Variants in RNF217 observed in about 807,000 individuals in gnomAD.
RNF217 encodes E3 ubiquitin-protein ligase RNF217.
RNF217 carries 31 observed loss-of-function variants against 57.8 expected under a neutral mutation model. The observed-to-expected ratio is 0.54, with a 90% CI of 0.40 to 0.72. RNF217 has a LOEUF of 0.72. Ranked by LOEUF, RNF217 falls within the 30% of genes least tolerant of loss-of-function variation. The pLI is 0.00. For synonymous variants in RNF217, 313 were observed against 294.0 expected (o/e 1.06, Z -0.66); for missense variants, 696 against 708.3 (o/e 0.98, Z 0.20).
At chr6:125,076,925 T>C in intron 4 of RNF217, 67 bp downstream of exon 4, 1 of 1,354,500 alleles carries the variant, frequency 7.4e-7, no homozygotes, top group Non-Finnish European at 1.1e-6. Context: ...AACTTGGAAA[T>C]GTGCAGCCAT....
intron 1 of RNF217, among the ~76,000 whole-genome samples, chr6:125,025,431 G>A (rs2114437445): frequency 6.6e-6 from 1 of 152,296 alleles, no homozygotes; most frequent in South Asian, 2.1e-4. Flanking sequence ...TTGAGTGTCT[G>A]AAGTTAGCAG....
chr6:125,074,111 T>TA (rs780016666), intron 3 of RNF217, among the ~76,000 whole-genome samples: 2 of 152,266 alleles, frequency 1.3e-5, no homozygotes, highest in East Asian at 3.9e-4. Flanking sequence ...CCAGTTCACC[T>TA]AACGATTTTG....
At chr6:125,053,615 GT>G (rs1232638980) in intron 2 of RNF217, among the ~76,000 whole-genome samples, 1 of 151,634 alleles carries the variant, frequency 6.6e-6, no homozygotes, top group African/African-American at 2.4e-5. Flanking sequence ...TTTAGACACT[GT>G]TTTTATTTTG....
At chr6:125,081,394 A>G (rs1159077235) in intron 4 of RNF217, 42 bp from the exon 5 acceptor site, 5 of 1,428,912 alleles carry the variant, frequency 3.5e-6, no homozygotes, top group Non-Finnish European at 4.9e-6. Flanking sequence ...TTGGTAGGTT[A>G]GTTTTAAGAC....
chr6:124,994,305 C>T (rs1159649177), intron 1 of RNF217, among the ~76,000 whole-genome samples: 1 of 152,136 alleles, frequency 6.6e-6, no homozygotes, highest in Admixed American at 6.6e-5. Context: ...TTCCCCTTCC[C>T]TTCCTTATTT....
At chr6:124,973,387 C>G (rs1157659249) in intron 1 of RNF217, among the ~76,000 whole-genome samples, 1 of 152,172 alleles carries the variant, frequency 6.6e-6, no homozygotes, top group Non-Finnish European at 1.5e-5. Context: ...TCTGCCACCA[C>G]TGTATTTACC....
chr6:124,977,536 T>C (rs1393608134), intron 1 of RNF217, among the ~76,000 whole-genome samples: 1 of 152,214 alleles, frequency 6.6e-6, no homozygotes, highest in Non-Finnish European at 1.5e-5. Context: ...ATTAAGATGC[T>C]GAAAAAATCA....
chr6:124,982,844 C>T (rs569550345), intron 1 of RNF217, among the ~76,000 whole-genome samples: 1 of 152,292 alleles, frequency 6.6e-6, no homozygotes, highest in Admixed American at 6.5e-5. Context: ...AATTTACTCA[C>T]TTCCTGGTGA....
chr6:125,001,497 G>A (rs1372335374), intron 1 of RNF217, among the ~76,000 whole-genome samples: 1 of 152,150 alleles, frequency 6.6e-6, no homozygotes, highest in Admixed American at 6.5e-5. Context: ...GATATGTTTT[G>A]TCAACTAGTA....
chr6:124,976,250 A>ACTCC (rs764577352), intron 1 of RNF217, among the ~76,000 whole-genome samples: 15 of 127,982 alleles, frequency 1.2e-4, no homozygotes, highest in East Asian at 4.8e-4. Context: ...TCCCTCCCTC[A>ACTCC]CTCCCTCCCT....
chr6:124,985,841 A>G (rs755251218), intron 1 of RNF217, among the ~76,000 whole-genome samples: 2 of 152,218 alleles, frequency 1.3e-5, no homozygotes, highest in African/African-American at 2.4e-5. Context: ...ATGATAAAAT[A>G]TTAACATTTA....
chr6:125,062,770 T>C (rs1245301980), intron 3 of RNF217, among the ~76,000 whole-genome samples: 1 of 151,986 alleles, frequency 6.6e-6, no homozygotes, highest in Admixed American at 6.6e-5. Flanking sequence ...AGAGACGAGG[T>C]TTCACCACGT....
chr6:125,057,134 T>C (rs1480257386), intron 2 of RNF217, among the ~76,000 whole-genome samples: 1 of 152,234 alleles, frequency 6.6e-6, no homozygotes, highest in East Asian at 1.9e-4. Context: ...TGCTGCTTCA[T>C]AGCAAATGCT....
chr6:125,042,035 T>C (rs184624588), intron 1 of RNF217, among the ~76,000 whole-genome samples: 1 of 152,258 alleles, frequency 6.6e-6, no homozygotes, highest in African/African-American at 2.4e-5. Context: ...GAAATACATA[T>C]CTTGTTGAAC....
chr6:125,051,385 A>C (rs1787310150), intron 2 of RNF217, among the ~76,000 whole-genome samples: 1 of 151,642 alleles, frequency 6.6e-6, no homozygotes, highest in African/African-American at 2.4e-5. Flanking sequence ...TTCCTTATAA[A>C]ATGGTCTGGA....
At chr6:125,024,078 T>G (rs1468628865) in intron 1 of RNF217, among the ~76,000 whole-genome samples, 1 of 152,166 alleles carries the variant, frequency 6.6e-6, no homozygotes, top group Non-Finnish European at 1.5e-5. Flanking sequence ...TTTAAGTACT[T>G]TCACTGCAAA....
At position 125,089,854 on chromosome 6, in the gene RNF217, C is replaced by G. The variant is rs1039868850; in HGVS notation, c.*6917C>G. 6.6e-6 allele frequency: 1 copy of G among 152,090 alleles called. No homozygotes were observed. The highest frequency in any genetic ancestry group is 1.5e-5 in the Non-Finnish European group (1 of 67,992). 9.4% of individuals were successfully genotyped at this position (152,090 alleles called of 1,614,324 possible). ...CAGCATTTTTGTGAATGTATTACTT[C>G]TTCAATATCCCCATATATTTGTATT... On this transcript the variant is annotated 3_prime_UTR_variant, in exon 6 of 6. Transcript: ENST00000521654.
At chr6:124,983,428 A>G (rs1784249397) in intron 1 of RNF217, 2 of 984,762 alleles carry the variant, frequency 2.0e-6, no homozygotes, top group South Asian at 4.7e-5. Context: ...TATGGTCAGG[A>G]CAAATGTGAA....
chr6:125,038,473 A>T (rs1786739108), intron 1 of RNF217, among the ~76,000 whole-genome samples: 1 of 152,166 alleles, frequency 6.6e-6, no homozygotes, highest in African/African-American at 2.4e-5. Context: ...TCAAAATAAC[A>T]TGGGAGGGCC....
Sources: allele counts gnomAD v4.1 joint callset (sites outside exome capture counted in the v4.1 genomes callset), GRCh38; gene constraint gnomAD v4.1.1; transcripts MANE v1.5; gene names NCBI Gene and HGNC (gene_info 2026-07-23, HGNC 2026-07-21).